Variants in PCDH15 observed in about 807,000 individuals in gnomAD.
PCDH15 encodes the protein protocadherin related 15, also known as protocadherin-15.
A neutral mutation model predicts 178.5 loss-of-function variants in PCDH15; 129 were observed. The observed-to-expected ratio is 0.72, with a 90% CI of 0.63 to 0.84. The LOEUF (loss-of-function observed/expected upper bound fraction) is 0.84, where lower values mean the gene tolerates loss of function less well. PCDH15 is among the 40% of genes least tolerant of loss of function. The probability of loss-of-function intolerance (pLI) is 0.00; values close to 1 mark genes in which losing one functional copy is unlikely to be tolerated. For synonymous variants in PCDH15, 800 were observed against 732.0 expected (o/e 1.09, Z -1.50); for missense variants, 2,230 against 2,099.9 (o/e 1.06, Z -1.21).
chr10:55,180,650 C>G (rs188003330), intron 1 of PCDH15, among the ~76,000 whole-genome samples: 5 of 152,110 alleles, frequency 3.3e-5, no homozygotes, highest in Admixed American at 1.3e-4. Context: ...TCTAATATGA[C>G]AAAAACACAG....
chr10:54,750,731 A>G (rs10740594), intron 1 of PCDH15, among the ~76,000 whole-genome samples: 75,778 of 151,504 alleles, frequency 0.5, 19,461 homozygotes, highest in Middle Eastern at 0.67. Context: ...TTTCTAAAAT[A>G]ATGTTACAAG....
chr10:54,648,793 A>G (rs115838794), intron 2 of PCDH15, among the ~76,000 whole-genome samples: 2,569 of 152,270 alleles, frequency 0.017, 39 homozygotes, highest in African/African-American at 0.035. Context: ...CATTATTAAT[A>G]TTTGTTTATA....
intron 29 of PCDH15, among the ~76,000 whole-genome samples, chr10:53,837,197 T>C (rs1316166278): frequency 6.6e-6 from 1 of 151,698 alleles, no homozygotes; most frequent in Admixed American, 6.6e-5. Flanking sequence ...AAAATGGGCA[T>C]AAGAAATATT....
At chr10:54,680,002 A>G (rs570258906) in intron 1 of PCDH15, among the ~76,000 whole-genome samples, 1 of 152,314 alleles carries the variant, frequency 6.6e-6, no homozygotes, top group Admixed American at 6.5e-5. Flanking sequence ...TGTGTATTAG[A>G]CTGCCAAGAT....
intron 1 of PCDH15, among the ~76,000 whole-genome samples, chr10:55,249,514 A>G (rs893639517): frequency 2.0e-5 from 3 of 152,300 alleles, no homozygotes; most frequent in South Asian, 4.1e-4. Flanking sequence ...TTAATGTACA[A>G]CTTAGATGGG....
intron 2 of PCDH15, among the ~76,000 whole-genome samples, chr10:54,987,630 T>C (rs1839404115): frequency 6.6e-6 from 1 of 152,198 alleles, no homozygotes; most frequent in African/African-American, 2.4e-5. Flanking sequence ...GTTGAGCTTT[T>C]TTTCATATGT....
chr10:54,818,950 G>T (rs1952991729), intron 3 of PCDH15, among the ~76,000 whole-genome samples: 1 of 151,696 alleles, frequency 6.6e-6, no homozygotes, highest in African/African-American at 2.4e-5. Flanking sequence ...TTAGAGACAG[G>T]GCGTCATTTT....
intron 2 of PCDH15, among the ~76,000 whole-genome samples, chr10:55,149,842 G>A (rs1342986558): frequency 6.6e-6 from 1 of 152,006 alleles, no homozygotes; most frequent in Non-Finnish European, 1.5e-5. Context: ...AATACATCAT[G>A]TTCTTAATGT....
rs71014444 is a variant in PCDH15 at position 55,052,537 on chromosome 10, C to CAAAAA, written c.-80+114034_-80+114038dup. ...AACATGGCGAAAACCCCGTCTCATA[C>CAAAAA]AAAAAAAAAAAAAAAAAAAAAAAAA... On this transcript the variant is annotated intron_variant, in intron 2 of 5. Coordinates refer to the PCDH15 transcript ENST00000458638. Among the ~76,000 whole-genome samples, 21 of 39,358 alleles carry CAAAAA rather than the reference C, an allele frequency of 5.3e-4. 6 individuals are homozygous for CAAAAA. Among genetic ancestry groups the CAAAAA allele is most frequent in the African/African-American group, 1.6e-3 (18 of 11,398 alleles). The allele number at this position is 39,358 out of a possible 152,430, so 25.8% of individuals were successfully genotyped here.
upstream of PCDH15, among the ~76,000 whole-genome samples, chr10:54,802,367 C>G (rs1211505587): frequency 6.6e-6 from 1 of 152,132 alleles, no homozygotes; most frequent in African/African-American, 2.4e-5. Context: ...CTGAGGCAAG[C>G]CAAATGTGTT....
intron 2 of PCDH15, among the ~76,000 whole-genome samples, chr10:55,120,039 G>A (rs150591918): frequency 0.01 from 1,570 of 152,054 alleles, 27 homozygotes; most frequent in African/African-American, 0.035. Flanking sequence ...AGACTGTCAA[G>A]AAGAGAACCA....
At chr10:54,941,097 G>A (rs751180618) in intron 2 of PCDH15, among the ~76,000 whole-genome samples, 12 of 150,726 alleles carry the variant, frequency 8.0e-5, no homozygotes, top group Admixed American at 5.3e-4. Flanking sequence ...GTTCTTTTTC[G>A]CTTCTTTAAT....
intron 28 of PCDH15, among the ~76,000 whole-genome samples, 161 bp from the exon 29 acceptor site, chr10:53,840,657 T>A (rs1386686604): frequency 6.6e-6 from 1 of 152,214 alleles, no homozygotes; most frequent in African/African-American, 2.4e-5. Context: ...ATTCTCTATA[T>A]TTTTTCAGCA....
chr10:55,250,341 C>A (rs1483909751), intron 1 of PCDH15, among the ~76,000 whole-genome samples: 2 of 151,492 alleles, frequency 1.3e-5, no homozygotes, highest in African/African-American at 2.4e-5. Flanking sequence ...GAGATAGGGT[C>A]TCACTTTTTT....
intron 1 of PCDH15, among the ~76,000 whole-genome samples, chr10:55,255,977 G>C (rs1425157821): frequency 1.3e-5 from 2 of 152,036 alleles, no homozygotes; most frequent in Admixed American, 6.6e-5. Context: ...GTCAATTTTG[G>C]CTTTTGTTGC....
intron 2 of PCDH15, among the ~76,000 whole-genome samples, chr10:55,499,797 A>C (rs1354994889): frequency 2.0e-5 from 3 of 151,774 alleles, no homozygotes; most frequent in Admixed American, 1.3e-4. Context: ...TATGATTTAA[A>C]TTAATAAAAT....
chr10:53,965,299 C>G (rs1202066354), intron 21 of PCDH15, among the ~76,000 whole-genome samples: 1 of 152,036 alleles, frequency 6.6e-6, no homozygotes, highest in Non-Finnish European at 1.5e-5. Flanking sequence ...ACCTCATGAT[C>G]CGCTCGCCTT....
At chr10:55,451,976 T>C (rs7097381) in intron 2 of PCDH15, among the ~76,000 whole-genome samples, 3,423 of 152,334 alleles carry the variant, frequency 0.022, 126 homozygotes, top group African/African-American at 0.078. Context: ...TATATCTGAA[T>C]AGTTATACCA....
intron 2 of PCDH15, among the ~76,000 whole-genome samples, chr10:55,434,079 T>A (rs1838963927): frequency 8.1e-6 from 1 of 123,296 alleles, no homozygotes; most frequent in Non-Finnish European, 1.6e-5. Flanking sequence ...TTTCTTTTCT[T>A]TTTTTTTTTT....
Sources: allele counts gnomAD v4.1 joint callset (sites outside exome capture counted in the v4.1 genomes callset), GRCh38; gene constraint gnomAD v4.1.1; transcripts MANE v1.5; gene names NCBI Gene and HGNC (gene_info 2026-07-23, HGNC 2026-07-21).